Variants in SOX5 observed in about 807,000 individuals in gnomAD.
SOX5 encodes transcription factor SOX-5.
In SOX5, 9 loss-of-function variants were observed where a neutral mutation model predicts 92.0. That is an observed-to-expected ratio of 0.10 (90% CI 0.06 to 0.17). The LOEUF is 0.17. Among genes scored for constraint, SOX5 ranks in the 10% least tolerant of loss-of-function variants. SOX5 has a pLI of 1.00. For synonymous variants in SOX5, 344 were observed against 336.3 expected (o/e 1.02, Z -0.25); for missense variants, 642 against 944.5 (o/e 0.68, Z 4.20).
chr12:23,779,843 GCATA>G (rs1308157447), intron 3 of SOX5, among the ~76,000 whole-genome samples: 2 of 83,370 alleles, frequency 2.4e-5, no homozygotes, highest in Non-Finnish European at 4.9e-5. Flanking sequence ...ACACACATAT[GCATA>G]CATACACATA....
intron 1 of SOX5, among the ~76,000 whole-genome samples, chr12:24,484,875 T>C (rs1051454944): frequency 1.3e-5 from 2 of 152,154 alleles, no homozygotes; most frequent in African/African-American, 4.8e-5. Context: ...AAAACATAAG[T>C]AAATGATAAA....
At chr12:24,058,801 A>G (rs907160796) in intron 4 of SOX5, among the ~76,000 whole-genome samples, 1 of 151,982 alleles carries the variant, frequency 6.6e-6, no homozygotes, top group East Asian at 1.9e-4. Context: ...AAGTATATAA[A>G]TAAATAAATA....
intron 4 of SOX5, among the ~76,000 whole-genome samples, chr12:24,136,667 C>A (rs1314218019): frequency 1.3e-5 from 2 of 152,212 alleles, no homozygotes; most frequent in African/African-American, 2.4e-5. Context: ...ATCAAGGCAT[C>A]TTTCAGACCC....
chr12:24,036,098 C>G (rs1297710177), intron 4 of SOX5, among the ~76,000 whole-genome samples: 1 of 152,026 alleles, frequency 6.6e-6, no homozygotes, highest in Non-Finnish European at 1.5e-5. Context: ...TACTGAGATT[C>G]ATCTACATTT....
At chr12:23,663,985 T>C (rs2083425605) in intron 7 of SOX5, among the ~76,000 whole-genome samples, 1 of 152,170 alleles carries the variant, frequency 6.6e-6, no homozygotes, top group South Asian at 2.1e-4. Context: ...AAGGGAAAGA[T>C]TTGCAAAAGC....
intron 3 of SOX5, among the ~76,000 whole-genome samples, chr12:23,765,578 T>TTA (rs2094700079): frequency 6.6e-5 from 10 of 151,976 alleles, no homozygotes. Flanking sequence ...AGACTTCTCA[T>TTA]TCTTAATGAT....
At chr12:23,805,397 G>C (rs1401741592) in intron 3 of SOX5, among the ~76,000 whole-genome samples, 1 of 151,714 alleles carries the variant, frequency 6.6e-6, no homozygotes, top group Non-Finnish European at 1.5e-5. Flanking sequence ...GATTAAAAGT[G>C]CTAAAAGAGA....
intron 13 of SOX5, among the ~76,000 whole-genome samples, chr12:23,539,258 C>T (rs1376689554): frequency 6.6e-6 from 1 of 152,094 alleles, no homozygotes; most frequent in East Asian, 1.9e-4. Flanking sequence ...TTGTATATTT[C>T]CTACTATGTA....
At position 24,081,155 on chromosome 12, in the gene SOX5, T is replaced by C. The variant is rs372076214; in HGVS notation, c.-2+132188A>G. On this transcript the variant is annotated intron_variant, in intron 4 of 4. Coordinates refer to the SOX5 transcript ENST00000446891. ...AACCTTTCCAAACAGTGTGAACTCA[T>C]TGGCTTCCCCATAACTCTACAGAGC... Among the ~76,000 whole-genome samples, 75 of 152,080 alleles carry C rather than the reference T, an allele frequency of 4.9e-4. 1 individual carries two copies. In the South Asian group the frequency reaches 0.013, roughly 27 times the overall value.
rs1028497346 is a variant in SOX5 at position 23,861,838 on chromosome 12, A to T, written c.271-15645T>A. ...TCCTTACAAAAGTCCTTTGCTATCT[A>T]TTCATTATACTTAGCAACATCAAAC... On this transcript the variant is annotated intron_variant, in intron 2 of 14. Coordinates refer to ENST00000451604, the MANE Select transcript of SOX5 (RefSeq NM_006940.6). Among the ~76,000 whole-genome samples the T allele has an allele frequency of 2.0e-5, 3 of 152,114 alleles. No homozygotes were observed. The South Asian group carries it at 6.2e-4, about 32-fold the overall frequency.
intron 6 of SOX5, among the ~76,000 whole-genome samples, chr12:23,672,064 GA>G (rs1404226708): frequency 6.8e-6 from 1 of 147,350 alleles, no homozygotes; most frequent in African/African-American, 2.5e-5. Flanking sequence ...TGCCAAAGTG[GA>G]AAAAAAAAGT....
chr12:24,301,661 C>G (rs1288037893), intron 2 of SOX5, among the ~76,000 whole-genome samples: 1 of 152,192 alleles, frequency 6.6e-6, no homozygotes, highest in East Asian at 1.9e-4. Context: ...AGTGCTCTGA[C>G]TGAAACGTTT....
intron 4 of SOX5, among the ~76,000 whole-genome samples, chr12:24,056,599 C>A (rs565321587): frequency 2.0e-5 from 3 of 152,010 alleles, no homozygotes; most frequent in Non-Finnish European, 2.9e-5. Flanking sequence ...AGGTGAGGTG[C>A]GTATTAAAAT....
At chr12:24,082,363 T>C (rs1369355119) in intron 4 of SOX5, among the ~76,000 whole-genome samples, 13 of 119,004 alleles carry the variant, frequency 1.1e-4, no homozygotes, top group African/African-American at 3.9e-4. Flanking sequence ...ACAAAATCAA[T>C]TGCTGTAAAT....
intron 4 of SOX5, among the ~76,000 whole-genome samples, chr12:24,068,739 T>TACACAC (rs1941284273): frequency 1.3e-5 from 1 of 79,542 alleles, no homozygotes; most frequent in African/African-American, 4.6e-5. Flanking sequence ...TATATATATA[T>TACACAC]ATATATATAC....
At chr12:23,652,447 T>G (rs944137758) in intron 7 of SOX5, among the ~76,000 whole-genome samples, 1 of 151,906 alleles carries the variant, frequency 6.6e-6, no homozygotes, top group African/African-American at 2.4e-5. Context: ...TTATCCAATC[T>G]CATGGTTCAG....
chr12:24,340,787 A>G (rs1210420912), intron 2 of SOX5, among the ~76,000 whole-genome samples: 1 of 152,222 alleles, frequency 6.6e-6, no homozygotes, highest in Non-Finnish European at 1.5e-5. Flanking sequence ...ACACCTTTTA[A>G]TACAGAGCTA....
At chr12:24,119,552 C>T (rs924874476) in intron 4 of SOX5, among the ~76,000 whole-genome samples, 3 of 151,952 alleles carry the variant, frequency 2.0e-5, no homozygotes, top group Non-Finnish European at 4.4e-5. Flanking sequence ...ACAATCCATG[C>T]CACTCAATTT....
intron 4 of SOX5, among the ~76,000 whole-genome samples, chr12:24,122,555 T>C (rs1049859640): frequency 6.6e-6 from 1 of 152,198 alleles, no homozygotes; most frequent in African/African-American, 2.4e-5. Context: ...TGACATTTTG[T>C]CAAGAAGACA....
Sources: gnomAD v4.1 joint callset for allele counts (sites outside exome capture counted in the v4.1 genomes callset) on GRCh38, gnomAD v4.1.1 for gene constraint, MANE v1.5 for transcripts, NCBI Gene and HGNC (gene_info 2026-07-23, HGNC 2026-07-21) for gene names.